SPATA17: variants seen among roughly 807,000 people sequenced by gnomAD.
The protein encoded by SPATA17 is spermatogenesis-associated protein 17.
Under a neutral mutation model 62.2 loss-of-function variants are expected in SPATA17, and 53 were observed. The ratio of observed to expected loss-of-function variants is 0.85; its 90% CI spans 0.68 to 1.07. The LOEUF is 1.07. Ranked by LOEUF, SPATA17 falls within the 50% of genes least tolerant of loss-of-function variation. The pLI, the probability that SPATA17 is intolerant of heterozygous loss-of-function variation, is 0.00. For missense variants in SPATA17, 466 were observed against 425.5 expected, an observed-to-expected ratio of 1.10 and a Z score of -0.84; for synonymous variants, 146 against 146.8, an observed-to-expected ratio of 0.99 and a Z score of 0.04.
At chr1:217,695,005 C>T (rs1195323370) in intron 5 of SPATA17, among the ~76,000 whole-genome samples, 3 of 128,848 alleles carry the variant, frequency 2.3e-5, no homozygotes, top group African/African-American at 6.0e-5. Flanking sequence ...ATCTTTGTGG[C>T]GTTCTCTGTA....
intron 6 of SPATA17, among the ~76,000 whole-genome samples, chr1:217,756,520 A>T (rs1673047760): frequency 6.6e-6 from 1 of 152,190 alleles, no homozygotes; most frequent in African/African-American, 2.4e-5. Context: ...TGAGAAAGGG[A>T]CTACTTTAAG....
At chr1:217,850,294 AG>A (rs1306331811) in intron 9 of SPATA17, 2 of 412,458 alleles carry the variant, frequency 4.8e-6, no homozygotes, top group African/African-American at 4.0e-5. Flanking sequence ...CATTTTGAAC[AG>A]GTTCAACTAT....
chr1:217,674,846 G>A (rs780313612), intron 4 of SPATA17, among the ~76,000 whole-genome samples: 10 of 152,278 alleles, frequency 6.6e-5, no homozygotes, highest in Middle Eastern at 3.4e-3. Flanking sequence ...AAGTTGGGTC[G>A]TCTCCCCTAG....
At chr1:217,771,336 T>G (rs1027641217) in intron 6 of SPATA17, among the ~76,000 whole-genome samples, 2 of 151,874 alleles carry the variant, frequency 1.3e-5, no homozygotes. Context: ...CCTTCTAAGT[T>G]GTGAAAAATG....
At chr1:217,762,193 C>G (rs937531780) in intron 6 of SPATA17, among the ~76,000 whole-genome samples, 2 of 152,148 alleles carry the variant, frequency 1.3e-5, no homozygotes, top group African/African-American at 4.8e-5. Context: ...CCCTCAGTAA[C>G]CCCATCCACT....
intron 3 of SPATA17, among the ~76,000 whole-genome samples, chr1:217,654,876 C>T (rs995627816): frequency 1.3e-5 from 2 of 152,076 alleles, no homozygotes; most frequent in African/African-American, 2.4e-5. Context: ...CCACGCCCGG[C>T]TAATTTTTGT....
chr1:217,837,332 G>T (rs528107785), intron 9 of SPATA17, among the ~76,000 whole-genome samples: 1 of 152,128 alleles, frequency 6.6e-6, no homozygotes, highest in East Asian at 1.9e-4. Flanking sequence ...TAAAATATTT[G>T]CTAAATATAA....
intron 6 of SPATA17, among the ~76,000 whole-genome samples, chr1:217,761,843 G>T (rs1338110090): frequency 6.6e-6 from 1 of 152,160 alleles, no homozygotes; most frequent in Non-Finnish European, 1.5e-5. Context: ...CTTTCAAAAT[G>T]CAGTAGGGTT....
rs34766852 is a variant in SPATA17 at position 217,636,388 on chromosome 1, AATT to A, written c.68+4958_68+4960del. ...ATCCAAATTCAAGGACACTGAACAA[AATT>A]ATTATTATTATTATTGACTTATTAT... On this transcript the variant is annotated intron_variant, in intron 1 of 10. Transcript: ENST00000366933. Among the ~76,000 whole-genome samples, 608 of 151,528 alleles carry A rather than the reference AATT, an allele frequency of 4.0e-3. 5 individuals carry two copies. Among genetic ancestry groups the A allele is most frequent in the African/African-American group, 0.014 (569 of 41,344 alleles).
At chr1:217,758,374 C>T (rs1673096507) in intron 6 of SPATA17, among the ~76,000 whole-genome samples, 1 of 152,122 alleles carries the variant, frequency 6.6e-6, no homozygotes, top group African/African-American at 2.4e-5. Flanking sequence ...TTTGTGTCAA[C>T]CACTGTTCAA....
At chr1:217,633,146 C>T (rs941930499) in intron 1 of SPATA17, among the ~76,000 whole-genome samples, 3 of 151,848 alleles carry the variant, frequency 2.0e-5, no homozygotes, top group South Asian at 4.2e-4. Flanking sequence ...TGTAGTGAGC[C>T]GAGATCGCAA....
intron 4 of SPATA17, among the ~76,000 whole-genome samples, chr1:217,682,200 T>C (rs1571727606): frequency 6.6e-6 from 1 of 152,104 alleles, no homozygotes; most frequent in East Asian, 1.9e-4. Context: ...ATTATTTTGT[T>C]TGAGTTTTTC....
At chr1:217,658,167 A>G (rs1056470417) in intron 3 of SPATA17, among the ~76,000 whole-genome samples, 1 of 152,236 alleles carries the variant, frequency 6.6e-6, no homozygotes, top group Non-Finnish European at 1.5e-5. Flanking sequence ...ATGTTGAAAT[A>G]TAACCCAGTG....
At chr1:217,753,761 A>G (rs1672972528) in intron 6 of SPATA17, among the ~76,000 whole-genome samples, 1 of 152,150 alleles carries the variant, frequency 6.6e-6, no homozygotes, top group Admixed American at 6.5e-5. Context: ...AAAACATTCA[A>G]AAGCCAGAAA....
chr1:217,703,220 G>A (rs1488585522), intron 5 of SPATA17, among the ~76,000 whole-genome samples: 1 of 141,006 alleles, frequency 7.1e-6, no homozygotes, highest in African/African-American at 2.7e-5. Flanking sequence ...GCCCAGGCTG[G>A]GGTACAGTGG....
chr1:217,866,743 T>C (rs1028879234), intron 10 of SPATA17: 3 of 152,080 alleles, frequency 2.0e-5, no homozygotes, highest in African/African-American at 7.2e-5. Context: ...CTAAAAATGA[T>C]TCAAGTCCGG....
At chr1:217,843,468 T>A (rs1351885478) in intron 9 of SPATA17, among the ~76,000 whole-genome samples, 1 of 151,896 alleles carries the variant, frequency 6.6e-6, no homozygotes, top group Non-Finnish European at 1.5e-5. Flanking sequence ...AAAAATGAAA[T>A]TTTTTTGATA....
chr1:217,798,337 G>T (rs1674208076), intron 8 of SPATA17, among the ~76,000 whole-genome samples: 1 of 152,018 alleles, frequency 6.6e-6, no homozygotes, highest in African/African-American at 2.4e-5. Context: ...ATATTTTCTT[G>T]TCTGTAAAGG....
At chr1:217,777,761 C>T (rs944183044) in intron 7 of SPATA17, among the ~76,000 whole-genome samples, 3 of 152,134 alleles carry the variant, frequency 2.0e-5, no homozygotes, top group Admixed American at 2.0e-4. Context: ...TCTGATCATT[C>T]GTTCCTTTAC....
Sources: gnomAD v4.1 joint callset for allele counts (sites outside exome capture counted in the v4.1 genomes callset) on GRCh38, gnomAD v4.1.1 for gene constraint, MANE v1.5 for transcripts, NCBI Gene and HGNC (gene_info 2026-07-23, HGNC 2026-07-21) for gene names.